The following ADAMTS12 variants were observed in gnomAD, a reference collection of about 807,000 sequenced individuals.
ADAMTS12 encodes ADAM metallopeptidase with thrombospondin type 1 motif 12.
In ADAMTS12, 118 loss-of-function variants were observed where a neutral mutation model predicts 167.8. That is an observed-to-expected ratio of 0.70 (90% CI 0.61 to 0.82). The LOEUF (loss-of-function observed/expected upper bound fraction) is 0.82, where lower values mean the gene tolerates loss of function less well. Among genes scored for constraint, ADAMTS12 ranks in the 40% least tolerant of loss-of-function variants. The pLI, the probability that ADAMTS12 is intolerant of heterozygous loss-of-function variation, is 0.00. For missense variants in ADAMTS12, 1,916 were observed against 1,998.8 expected (o/e 0.96, Z 0.79); for synonymous variants, 704 against 716.9 (o/e 0.98, Z 0.29).
intron 2 of ADAMTS12, among the ~76,000 whole-genome samples, chr5:33,822,204 T>C (rs1439665278): frequency 6.6e-6 from 1 of 152,160 alleles, no homozygotes; most frequent in Admixed American, 6.5e-5. Context: ...AATCCTGATT[T>C]CTTTTATTTT....
Position 33,549,380 on chromosome 5 carries a change from A to G in ADAMTS12, c.4129T>C (p.Ser1377Pro). The G allele has an allele frequency of 6.2e-7, 1 of 1,612,860 alleles. No homozygotes were observed. The highest frequency in any genetic ancestry group is 8.5e-7 in the Non-Finnish European group (1 of 1,178,980). The change falls in exon 21 of 24, where the codon TCC (serine) becomes CCC (proline). Residue 1377 changes from serine (S) to proline (P), a missense_variant. Ser to Pro is a moderately conservative substitution (Grantham distance 74, BLOSUM62 -1). Transcript: ENST00000504830. The stretch of plus-strand genomic sequence containing the variant: ...TTGAAGCCCCCACTGCAGTTTCTGG[A>G]GCACTGTATGGAGAGAAAAATCAAA... ...GWKVGNWSKC[S>P]RNCSGGFKIR... is the part of the protein sequence containing the mutation.
chr5:33,726,386 C>T (rs915156714), intron 3 of ADAMTS12, among the ~76,000 whole-genome samples: 1 of 152,134 alleles, frequency 6.6e-6, no homozygotes, highest in Non-Finnish European at 1.5e-5. Context: ...CCACCAAAAC[C>T]CACCAAATTG....
intron 3 of ADAMTS12, among the ~76,000 whole-genome samples, chr5:33,690,860 T>C (rs1742525107): frequency 6.6e-6 from 1 of 152,210 alleles, no homozygotes; most frequent in African/African-American, 2.4e-5. Flanking sequence ...CACTCTCTGA[T>C]AGAAATGTGC....
chr5:33,550,118 T>C (rs1280911845), intron 20 of ADAMTS12, among the ~76,000 whole-genome samples: 1 of 152,144 alleles, frequency 6.6e-6, no homozygotes, highest in Non-Finnish European at 1.5e-5. Context: ...CCCCACCCCT[T>C]GTGCAGCAGC....
intron 2 of ADAMTS12, among the ~76,000 whole-genome samples, chr5:33,795,135 A>C (rs1279930940): frequency 6.6e-6 from 1 of 152,230 alleles, no homozygotes; most frequent in Admixed American, 6.5e-5. Flanking sequence ...ATTTCTCTAT[A>C]GTTCTGGCTG....
At chr5:33,583,411 G>A (rs915356947) in intron 18 of ADAMTS12, among the ~76,000 whole-genome samples, 1 of 152,188 alleles carries the variant, frequency 6.6e-6, no homozygotes, top group African/African-American at 2.4e-5. Flanking sequence ...CACTTGGGTT[G>A]CTTCCAAATC....
At chr5:33,585,630 C>A (rs1267169559) in intron 18 of ADAMTS12, among the ~76,000 whole-genome samples, 2 of 152,214 alleles carry the variant, frequency 1.3e-5, no homozygotes, top group Non-Finnish European at 1.5e-5. Flanking sequence ...GTCACAGTAA[C>A]TTTGATACCT....
intron 3 of ADAMTS12, among the ~76,000 whole-genome samples, chr5:33,717,090 G>C (rs1008768698): frequency 1.3e-5 from 2 of 151,078 alleles, no homozygotes; most frequent in African/African-American, 2.4e-5. Flanking sequence ...GAAAACTGGT[G>C]TAAGTAGAGA....
At chr5:33,754,152 GA>G (rs1157831248) in intron 2 of ADAMTS12, among the ~76,000 whole-genome samples, 1 of 152,088 alleles carries the variant, frequency 6.6e-6, no homozygotes, top group Non-Finnish European at 1.5e-5. Flanking sequence ...GGTCATGCTA[GA>G]AAAAAATCAC....
At chr5:33,734,359 G>GA (rs1561242007) in intron 3 of ADAMTS12, among the ~76,000 whole-genome samples, 1 of 151,968 alleles carries the variant, frequency 6.6e-6, no homozygotes, top group South Asian at 2.1e-4. Context: ...AGCACCAGAA[G>GA]AAAAAAACGT....
intron 2 of ADAMTS12, among the ~76,000 whole-genome samples, chr5:33,789,936 C>T (rs757867425): frequency 5.1e-4 from 41 of 79,640 alleles, no homozygotes; most frequent in Non-Finnish European, 8.9e-4. Flanking sequence ...AAAGCAAATC[C>T]GCTATCTCAT....
At chr5:33,746,678 G>A (rs1744798885) in intron 3 of ADAMTS12, among the ~76,000 whole-genome samples, 1 of 152,216 alleles carries the variant, frequency 6.6e-6, no homozygotes. Context: ...GTGTCAACAT[G>A]GTTAGGCTGC....
At chr5:33,792,454 A>G (rs909231107) in intron 2 of ADAMTS12, among the ~76,000 whole-genome samples, 1 of 152,240 alleles carries the variant, frequency 6.6e-6, no homozygotes, top group Non-Finnish European at 1.5e-5. Flanking sequence ...CTGTCTGAAA[A>G]GTACTGGTTT....
intron 2 of ADAMTS12, among the ~76,000 whole-genome samples, chr5:33,833,238 A>C (rs1018013074): frequency 6.6e-6 from 1 of 152,220 alleles, no homozygotes; most frequent in Admixed American, 6.5e-5. Flanking sequence ...CTCCAACTGC[A>C]TAACAGTATT....
chr5:33,651,284 A>C lies in ADAMTS12; in HGVS notation c.1191-1587T>G, dbSNP rs750486303. On this transcript the variant is annotated intron_variant, in intron 7 of 23. Coordinates refer to ENST00000504830, the MANE Select transcript of ADAMTS12 (RefSeq NM_030955.4). ...AACCTACATGAATAATGATCTTCTT[A>C]TCTGTGGATATGTCGATACACCAAG... 2.6e-5 allele frequency among the ~76,000 whole-genome samples: 4 copies of C among 152,214 alleles called. No homozygotes were observed. The South Asian group carries it at 8.3e-4, about 32-fold the overall frequency.
chr5:33,822,183 G>A (rs982563283), intron 2 of ADAMTS12, among the ~76,000 whole-genome samples: 2 of 152,128 alleles, frequency 1.3e-5, no homozygotes, highest in African/African-American at 2.4e-5. Flanking sequence ...CCATGCTGGG[G>A]AAATGCCTTA....
At chr5:33,678,511 G>T (rs891825283) in intron 5 of ADAMTS12, among the ~76,000 whole-genome samples, 4 of 152,156 alleles carry the variant, frequency 2.6e-5, no homozygotes, top group Non-Finnish European at 5.9e-5. Flanking sequence ...AGGAAAGGGG[G>T]TCAGGAAAGG....
intron 5 of ADAMTS12, 23 bp downstream of exon 5, chr5:33,682,995 A>T (rs369031119): frequency 2.5e-6 from 4 of 1,606,624 alleles, no homozygotes; most frequent in Non-Finnish European, 3.4e-6. Flanking sequence ...ATATAGCAGA[A>T]GAGTGAAGGG....
intron 13 of ADAMTS12, among the ~76,000 whole-genome samples, chr5:33,628,419 TA>T (rs1415808116): frequency 2.0e-5 from 3 of 151,926 alleles, no homozygotes; most frequent in East Asian, 1.9e-4. Flanking sequence ...ACAAGCTTAC[TA>T]AAAAAAACTA....
Sources: gnomAD v4.1 joint callset for allele counts (sites outside exome capture counted in the v4.1 genomes callset) on GRCh38, gnomAD v4.1.1 for gene constraint, MANE v1.5 for transcripts, NCBI Gene and HGNC (gene_info 2026-07-23, HGNC 2026-07-21) for gene names.